LYSMD4: variants seen among roughly 807,000 people sequenced by gnomAD.
The protein encoded by LYSMD4 is LysM domain containing 4.
LYSMD4 carries 9 observed loss-of-function variants against 6.1 expected under a neutral mutation model. The ratio of observed to expected loss-of-function variants is 1.47; its 90% CI spans 0.88 to 2.56. The LOEUF (loss-of-function observed/expected upper bound fraction) is 2.56, where lower values mean the gene tolerates loss of function less well. Among genes scored for constraint, LYSMD4 ranks in the 30% most tolerant of loss-of-function variants. LYSMD4 has a pLI of 0.00. For synonymous variants in LYSMD4, 143 were observed against 148.5 expected (o/e 0.96, Z 0.27); for missense variants, 384 against 373.5 (o/e 1.03, Z -0.23).
intron 2 of LYSMD4, chr15:99,731,291 A>G: frequency 6.2e-7 from 1 of 1,600,682 alleles, no homozygotes; most frequent in Non-Finnish European, 8.5e-7. Context: ...AAACTTTACC[A>G]AAAGTCAAGT....
Position 99,731,775 on chromosome 15 carries a change from C to G in LYSMD4, c.225G>C (p.Gln75His). ...QAGAGDVVLL[Q>H]RELAQEDSLN... ...GGCTGTCCTCCTGGGCCAGCTCCCG[C>G]TGCAGCAGCACCACGTCACCTGCTC... Residue 75 changes from glutamine to histidine, a missense_variant, in exon 2 of 3, where the codon CAG (glutamine) becomes CAC (histidine). Physicochemically the swap from Gln to His is conservative, Grantham distance 24. Coordinates refer to ENST00000684762, the MANE Select transcript of LYSMD4 (RefSeq NM_001284417.2). The G allele has an allele frequency of 4.3e-6, 7 of 1,610,540 alleles. No homozygotes were observed. Among genetic ancestry groups the G allele is most frequent in the Non-Finnish European group, 5.9e-6 (7 of 1,178,954 alleles).
intron 2 of LYSMD4, chr15:99,731,224 G>A (rs760642233): frequency 6.2e-7 from 1 of 1,611,268 alleles, no homozygotes; most frequent in Non-Finnish European, 8.5e-7. Context: ...GAGAAAAACA[G>A]GGTTATATAG....
intron 2 of LYSMD4, chr15:99,731,239 A>G (rs1409662634): frequency 6.2e-7 from 1 of 1,609,428 alleles, no homozygotes; most frequent in South Asian, 1.1e-5. Context: ...ATATAGATAC[A>G]CAGCATACAA....
exon 1 of LYSMD4, chr15:99,716,734 C>T (rs1205305963): frequency 4.4e-6 from 2 of 455,982 alleles, no homozygotes; most frequent in East Asian, 1.4e-4. Context: ...CAGTGGGCCA[C>T]GCAGTCCCAC....
chr15:99,729,135 T>C lies in LYSMD4; in HGVS notation c.879A>G (p.Gln293=), dbSNP rs2141119699. ...TTAAAAACAAAGCTTAGCTCCCCGC[T>C]TGGGTGGTCTGACTGAACTGGCTGT... ...SADSQFSQTT[Q]AGS Residue 293 remains glutamine, a synonymous_variant, in exon 3 of 3, where the codon CAA becomes CAG. Transcript: ENST00000684762. 1 of 1,613,098 alleles carries C rather than the reference T, an allele frequency of 6.2e-7. No homozygotes were observed. Among genetic ancestry groups the C allele is most frequent in the South Asian group, 1.1e-5 (1 of 91,074 alleles).
intron 2 of LYSMD4, chr15:99,731,290 C>G: frequency 1.3e-6 from 2 of 1,598,472 alleles, no homozygotes; most frequent in Non-Finnish European, 1.7e-6. Context: ...AAAACTTTAC[C>G]AAAAGTCAAG....
At chr15:99,717,819 G>A (rs531638129) in exon 1 of LYSMD4, 1 of 152,302 alleles carries the variant, frequency 6.6e-6, no homozygotes, top group African/African-American at 2.4e-5. Context: ...CAAAGCAAAC[G>A]CAGCTGTGGA....
At chr15:99,719,920 ATGAG>A (rs1176471904), upstream of LYSMD4, among the ~76,000 whole-genome samples, 17 of 152,282 alleles carry the variant, frequency 1.1e-4, no homozygotes, top group East Asian at 2.1e-3. Context: ...TTTCTCTATT[ATGAG>A]TGAGATTGAG....
At chr15:99,717,838 A>G (rs568827320), upstream of LYSMD4, 1 of 152,370 alleles carries the variant, frequency 6.6e-6, no homozygotes, top group East Asian at 1.9e-4. Flanking sequence ...GAAGAAAGAA[A>G]GCAGTTGTAC....
chr15:99,729,674 T>G lies in LYSMD4; in HGVS notation c.340A>C (p.Lys114Gln). 1 of 1,613,882 alleles carries G rather than the reference T, an allele frequency of 6.2e-7. No individual in the cohort carries two copies. The highest frequency in any genetic ancestry group is 8.5e-7 in the Non-Finnish European group (1 of 1,179,948). The change falls in exon 3 of 3, where the codon AAA becomes CAA. Residue 114 changes from lysine to glutamine, a missense_variant. Coordinates refer to ENST00000684762, the MANE Select transcript of LYSMD4 (RefSeq NM_001284417.2). ...TTTCTCACTGGAATCTTAACAGATT[T>G]CAAAGCATATAAGTCTTGTTCTCTG... ...FIREQDLYAL[K>Q]SVKIPVRNHG...
At chr15:99,718,554 G>A (rs1446142778), upstream of LYSMD4, among the ~76,000 whole-genome samples, 4 of 152,032 alleles carry the variant, frequency 2.6e-5, no homozygotes, top group Admixed American at 2.6e-4. Flanking sequence ...TTCTCATTTC[G>A]TTACTCATTA....
chr15:99,729,785 A>G, intron 2 of LYSMD4, 54 bp from the exon 3 acceptor site: 1 of 1,525,516 alleles, frequency 6.6e-7, no homozygotes, highest in African/African-American at 1.4e-5. Context: ...CTTAAAAATA[A>G]CTTTCCAAAA....
chr15:99,729,376 T>C lies in LYSMD4; in HGVS notation c.638A>G (p.Asp213Gly). ...APPKTPMDGADCGIQWWNAVF... is the reference protein window; with the variant it reads ...APPKTPMDGAGCGIQWWNAVF... Reference sequence around the variant, plus strand: ...AGCATTCCACCACTGAATGCCACAATCTGCACCATCCATAGGCGTCTTCGG... The same window carrying C: ...AGCATTCCACCACTGAATGCCACAACCTGCACCATCCATAGGCGTCTTCGG... The change falls in exon 3 of 3, where the codon GAT becomes GGT. Residue 213 changes from aspartate to glycine, a missense_variant. Asp to Gly is a moderately conservative substitution (Grantham distance 94). Coordinates refer to ENST00000684762, the MANE Select transcript of LYSMD4 (RefSeq NM_001284417.2). 6.2e-7 allele frequency: 1 copy of C among 1,614,146 alleles called. No individual in the cohort carries two copies. Among genetic ancestry groups the C allele is most frequent in the Non-Finnish European group, 8.5e-7 (1 of 1,180,020 alleles).
chr15:99,731,438 A>G (rs754278017), intron 2 of LYSMD4: 1 of 1,606,522 alleles, frequency 6.2e-7, no homozygotes, highest in East Asian at 2.2e-5. Context: ...AAGAAGAAAA[A>G]AGGTTTCAGA....
At chr15:99,725,767 C>G (rs2059274425), downstream of LYSMD4, among the ~76,000 whole-genome samples, 2 of 152,164 alleles carry the variant, frequency 1.3e-5, no homozygotes, top group Non-Finnish European at 2.9e-5. Flanking sequence ...CTTAAGCATC[C>G]CCCATGTTCT....
In LYSMD4 at chr15:99,729,449, C is replaced by G. The variant is rs200602575; in HGVS notation, c.565G>C (p.Glu189Gln). The G allele has an allele frequency of 5.5e-4, 880 of 1,614,188 alleles. 9 individuals carry two copies. The Middle Eastern group carries it at 0.022, about 40-fold the overall frequency. Residue 189 changes from glutamate to glutamine, a missense_variant, in exon 3 of 3, where the codon GAA becomes CAA. Transcript: ENST00000684762. ...RAVQSEIFLH[E>Q]SYCMDTSHQP... ...TGGGAGGTGTCCATGCAGTAACTTT[C>G]ATGTAGAAAGATTTCTGACTGCACT...
At position 99,729,503 on chromosome 15, in the gene LYSMD4, TAAAG is replaced by T. The variant is rs781547211; in HGVS notation, c.507_510del (p.Phe169LeufsTer58). ...CGCTCAATATCCTGGTCAATCCCCT[TAAAG>T]AAGCCCATCAGTTGGCCGGCCTGGG... On this transcript the variant is annotated frameshift_variant, in exon 3 of 3. Transcript: ENST00000684762. LOFTEE classifies it low-confidence loss of function (END_TRUNC). 1 of 1,614,108 alleles carries T rather than the reference TAAAG, an allele frequency of 6.2e-7. No individual in the cohort carries two copies. Among genetic ancestry groups the T allele is most frequent in the Non-Finnish European group, 8.5e-7 (1 of 1,180,014 alleles).
At position 99,729,133 on chromosome 15, in the gene LYSMD4, G is replaced by A. The variant is rs760892155; in HGVS notation, c.881C>T (p.Ala294Val). ...ADSQFSQTTQAGS is the reference protein window; with the variant it reads ...ADSQFSQTTQVGS ...CTTTAAAAACAAAGCTTAGCTCCCC[G>A]CTTGGGTGGTCTGACTGAACTGGCT... Residue 294 changes from alanine to valine, a missense_variant, in exon 3 of 3, where the codon GCG becomes GTG. Physicochemically the swap from Ala to Val is moderately conservative, Grantham distance 64. Coordinates refer to ENST00000684762, the MANE Select transcript of LYSMD4 (RefSeq NM_001284417.2). The A allele has an allele frequency of 1.2e-5, 19 of 1,613,148 alleles. No individual in the cohort carries two copies. Among genetic ancestry groups the A allele is most frequent in the Middle Eastern group, 3.3e-4 (2 of 6,062 alleles).
At chr15:99,730,622 G>A (rs2141129870) in intron 2 of LYSMD4, among the ~76,000 whole-genome samples, 1 of 152,326 alleles carries the variant, frequency 6.6e-6, no homozygotes, top group East Asian at 1.9e-4. Context: ...TAACTGATTT[G>A]GGGTAGGGGA....
Sources: allele counts gnomAD v4.1 joint callset (sites outside exome capture counted in the v4.1 genomes callset), GRCh38; gene constraint gnomAD v4.1.1; transcripts MANE v1.5; gene names NCBI Gene and HGNC (gene_info 2026-07-23, HGNC 2026-07-21).